Variants in NCOA1 observed in about 807,000 individuals in gnomAD.
NCOA1 encodes nuclear receptor coactivator 1, also known as Hin-2 protein.
In NCOA1, 35 loss-of-function variants were observed where a neutral mutation model predicts 150.9. The ratio of observed to expected loss-of-function variants is 0.23; its 90% CI spans 0.18 to 0.31. The LOEUF (loss-of-function observed/expected upper bound fraction) is 0.31, where lower values mean the gene tolerates loss of function less well. Ranked by LOEUF, NCOA1 falls within the 10% of genes least tolerant of loss-of-function variation. The pLI, the probability that NCOA1 is intolerant of heterozygous loss-of-function variation, is 1.00. For missense variants in NCOA1, 1,491 were observed against 1,749.3 expected, an observed-to-expected ratio of 0.85 and a Z score of 2.63; for synonymous variants, 590 against 630.0, an observed-to-expected ratio of 0.94 and a Z score of 0.95.
intron 20 of NCOA1, among the ~76,000 whole-genome samples, chr2:24,755,216 G>A (rs769316327): frequency 6.6e-6 from 1 of 152,238 alleles, no homozygotes; most frequent in Non-Finnish European, 1.5e-5. Flanking sequence ...GTAGAATGAT[G>A]TAATAGAGTT....
chr2:24,700,017 C>G lies in NCOA1; in HGVS notation c.949+2219C>G, dbSNP rs186165594. 2.6e-5 allele frequency among the ~76,000 whole-genome samples: 4 copies of G among 152,196 alleles called. No individual in the cohort carries two copies. The East Asian group carries it at 7.7e-4, about 29-fold the overall frequency. ...AAATTAGCGCGCATGGTGGCGCAGTCCTGTAATCCCAGCTACTCGGAAGGC... is the reference window on the plus strand; with the variant it reads ...AAATTAGCGCGCATGGTGGCGCAGTGCTGTAATCCCAGCTACTCGGAAGGC... On this transcript the variant is annotated intron_variant, in intron 11 of 22. Coordinates refer to ENST00000348332, the MANE Select transcript of NCOA1 (RefSeq NM_003743.5).
At chr2:24,624,423 C>G (rs1669309675) in intron 3 of NCOA1, among the ~76,000 whole-genome samples, 2 of 152,134 alleles carry the variant, frequency 1.3e-5, no homozygotes, top group Admixed American at 6.5e-5. Flanking sequence ...AGAAAATAAG[C>G]TTTTATTTTT....
chr2:24,560,736 G>T (rs952980928), intron 1 of NCOA1, among the ~76,000 whole-genome samples: 7 of 152,206 alleles, frequency 4.6e-5, no homozygotes, highest in Middle Eastern at 3.4e-3. Context: ...AGTGAGATTG[G>T]GCAGCTTTAA....
intron 3 of NCOA1, among the ~76,000 whole-genome samples, chr2:24,618,207 A>G (rs1668959693): frequency 6.6e-6 from 1 of 152,124 alleles, no homozygotes; most frequent in South Asian, 2.1e-4. Context: ...TTCACTCCCA[A>G]CACTTGTTGA....
intron 14 of NCOA1, among the ~76,000 whole-genome samples, chr2:24,714,329 C>T (rs1369544548): frequency 6.6e-6 from 1 of 152,040 alleles, no homozygotes; most frequent in Non-Finnish European, 1.5e-5. Flanking sequence ...AAAATTAAGA[C>T]ACATGATGTA....
chr2:24,637,827 CG>C (rs957181259), intron 3 of NCOA1, among the ~76,000 whole-genome samples: 3 of 152,118 alleles, frequency 2.0e-5, no homozygotes, highest in Admixed American at 6.5e-5. Flanking sequence ...TCCCAAGTAG[CG>C]GGAATTAAAG....
At chr2:24,678,253 G>T (rs1188134304) in intron 7 of NCOA1, among the ~76,000 whole-genome samples, 2 of 152,160 alleles carry the variant, frequency 1.3e-5, no homozygotes, top group African/African-American at 4.8e-5. Flanking sequence ...ATTCCATGGT[G>T]TATATGTACC....
chr2:24,548,268 A>G (rs2148213815), intron 1 of NCOA1, among the ~76,000 whole-genome samples: 1 of 152,284 alleles, frequency 6.6e-6, no homozygotes, highest in Non-Finnish European at 1.5e-5. Flanking sequence ...GAAAGAGGGC[A>G]TGTGCAGGAA....
intron 3 of NCOA1, among the ~76,000 whole-genome samples, chr2:24,615,256 G>C (rs1668824152): frequency 6.6e-6 from 1 of 152,128 alleles, no homozygotes; most frequent in African/African-American, 2.4e-5. Context: ...AGTAGAAATG[G>C]CCTCAGTTTA....
At chr2:24,592,896 C>T (rs1032557928) in intron 3 of NCOA1, among the ~76,000 whole-genome samples, 3 of 152,104 alleles carry the variant, frequency 2.0e-5, no homozygotes, top group African/African-American at 7.2e-5. Flanking sequence ...TACCATTCAC[C>T]TGTCCTTCAC....
At chr2:24,735,499 A>AG (rs1200487718) in intron 17 of NCOA1, among the ~76,000 whole-genome samples, 1 of 152,160 alleles carries the variant, frequency 6.6e-6, no homozygotes, top group Non-Finnish European at 1.5e-5. Context: ...GTGAATTTTA[A>AG]GGTCAGTTTA....
intron 11 of NCOA1, among the ~76,000 whole-genome samples, chr2:24,701,083 A>G (rs574946881): frequency 1.3e-5 from 2 of 152,214 alleles, no homozygotes; most frequent in Non-Finnish European, 2.9e-5. Flanking sequence ...GTTAGATAGT[A>G]GTCATGGGAA....
At chr2:24,727,138 CAAAAA>C (rs755486331) in intron 15 of NCOA1, among the ~76,000 whole-genome samples, 6 of 43,278 alleles carry the variant, frequency 1.4e-4, no homozygotes, top group African/African-American at 2.7e-4. Flanking sequence ...AACTCTGTCT[CAAAAA>C]AAAAAAAAAA....
chr2:24,520,239 A>G (rs1425778884), intron 1 of NCOA1, among the ~76,000 whole-genome samples: 1 of 152,192 alleles, frequency 6.6e-6, no homozygotes, highest in Non-Finnish European at 1.5e-5. Context: ...CAGCCATTCT[A>G]CTCTTAAGCA....
intron 2 of NCOA1, among the ~76,000 whole-genome samples, chr2:24,574,805 G>A (rs1004929011): frequency 6.6e-5 from 10 of 151,926 alleles, no homozygotes; most frequent in Non-Finnish European, 4.4e-5. Flanking sequence ...CCAATCTTGC[G>A]CCATTGTTTT....
intron 19 of NCOA1, among the ~76,000 whole-genome samples, chr2:24,743,239 A>G (rs1216873663): frequency 6.6e-6 from 1 of 152,266 alleles, no homozygotes; most frequent in Non-Finnish European, 1.5e-5. Flanking sequence ...ATGAATTTCA[A>G]TGAGAAAGCT....
At position 24,714,327 on chromosome 2, in the gene NCOA1, G is replaced by C. The variant is rs952895054; in HGVS notation, c.2599+3216G>C. Reference sequence around the variant, plus strand: ...TCCAACATATAATAAAAAAAATTAAGACACATGATGTAGCAAGAAACTGTG... The same window carrying C: ...TCCAACATATAATAAAAAAAATTAACACACATGATGTAGCAAGAAACTGTG... On this transcript the variant is annotated intron_variant, in intron 14 of 22. Transcript: ENST00000348332. Among the ~76,000 whole-genome samples, 5 of 152,154 alleles carry C rather than the reference G, an allele frequency of 3.3e-5. No individual in the cohort carries two copies. The South Asian group carries it at 1.0e-3, about 32-fold the overall frequency.
At chr2:24,630,213 A>T (rs542574143) in intron 3 of NCOA1, among the ~76,000 whole-genome samples, 2 of 152,298 alleles carry the variant, frequency 1.3e-5, no homozygotes, top group South Asian at 4.1e-4. Context: ...CTTTTTGTAG[A>T]TGAGGAAATG....
chr2:24,726,472 A>G (rs976239450), intron 14 of NCOA1, 117 bp from the exon 15 acceptor site: 2 of 580,276 alleles, frequency 3.4e-6, no homozygotes, highest in East Asian at 3.0e-5. Flanking sequence ...TGACCTTTGT[A>G]TCATTGAAGT....
Sources: allele counts gnomAD v4.1 joint callset (sites outside exome capture counted in the v4.1 genomes callset), GRCh38; gene constraint gnomAD v4.1.1; transcripts MANE v1.5; gene names NCBI Gene and HGNC (gene_info 2026-07-23, HGNC 2026-07-21).